Variants in ANKRD50 observed in about 807,000 individuals in gnomAD.
ANKRD50 encodes ankyrin repeat domain 50, also known as ankyrin repeat domain-containing protein 50.
ANKRD50 carries 40 observed loss-of-function variants against 112.0 expected under a neutral mutation model. The ratio of observed to expected loss-of-function variants is 0.36; its 90% CI spans 0.28 to 0.46. The LOEUF is 0.46. Ranked by LOEUF, ANKRD50 falls within the 20% of genes least tolerant of loss-of-function variation. The probability of loss-of-function intolerance (pLI) is 1.00; values close to 1 mark genes in which losing one functional copy is unlikely to be tolerated. For synonymous variants in ANKRD50, 613 were observed against 619.1 expected, an observed-to-expected ratio of 0.99 and a Z score of 0.15; for missense variants, 1,487 against 1,701.7, an observed-to-expected ratio of 0.87 and a Z score of 2.22.
At chr4:124,676,291 A>T (rs1292128843) in intron 3 of ANKRD50, among the ~76,000 whole-genome samples, 4 of 151,878 alleles carry the variant, frequency 2.6e-5, no homozygotes, top group South Asian at 2.1e-4. Flanking sequence ...TATCACTGAC[A>T]GTTATAATTT....
At position 124,665,530 on chromosome 4, in the gene ANKRD50, G is replaced by A. The variant is rs1730467287; in HGVS notation, c.*1988C>T. 1 of 152,382 alleles carries A rather than the reference G, an allele frequency of 6.6e-6. No homozygotes were observed. The highest frequency in any genetic ancestry group is 2.1e-4 in the South Asian group (1 of 4,830). 9.4% of individuals were successfully genotyped at this position (152,382 alleles called of 1,614,324 possible). A position where few individuals can be genotyped will look rare whatever the true frequency, so the allele number is the denominator to read the frequency against. On this transcript the variant is annotated 3_prime_UTR_variant, in exon 5 of 5. Coordinates refer to ENST00000504087, the MANE Select transcript of ANKRD50 (RefSeq NM_020337.3). ...AAAATTACATGTAATAGAAATTAGA[G>A]CTTCATCCTCTACAGTAATGTAAAT...
rs938445060 is a variant in ANKRD50, at chr4:124,672,431, T to A, written c.846A>T (p.Gln282His). 3 of 1,613,072 alleles carry A rather than the reference T, an allele frequency of 1.9e-6. No homozygotes were observed. In the Admixed American group the frequency reaches 5.0e-5, roughly 27 times the overall value. Reference protein sequence around the residue: ...HRLDQEEALRQHLTKETAEML... With the variant: ...HRLDQEEALRHHLTKETAEML... ...TCTCTGCAGTTTCTTTTGTGAGGTGTTGTCGCAAAGCTTCTTCTTGATCTA... is the reference window on the plus strand; with the variant it reads ...TCTCTGCAGTTTCTTTTGTGAGGTGATGTCGCAAAGCTTCTTCTTGATCTA... Residue 282 changes from glutamine to histidine, a missense_variant, in exon 4 of 5, where the codon CAA (glutamine) becomes CAT (histidine). Coordinates refer to ENST00000504087, the MANE Select transcript of ANKRD50 (RefSeq NM_020337.3).
intron 3 of ANKRD50, among the ~76,000 whole-genome samples, chr4:124,673,421 C>T (rs905868159): frequency 1.3e-5 from 2 of 152,020 alleles, no homozygotes; most frequent in Non-Finnish European, 2.9e-5. Flanking sequence ...TAAAGAAGAA[C>T]TGGAGCAAGT....
At chr4:124,700,570 G>GAA (rs1447239091) in intron 2 of ANKRD50, among the ~76,000 whole-genome samples, 3 of 152,108 alleles carry the variant, frequency 2.0e-5, no homozygotes, top group Non-Finnish European at 4.4e-5. Context: ...GATGACGAAT[G>GAA]AAACTGAGTT....
At position 124,664,440 on chromosome 4, in the gene ANKRD50, C is replaced by A. The variant is rs951663667; in HGVS notation, c.*3078G>T. ...ACAGTTGTTTATGCTATATGCATAT[C>A]ATGCATGTTCTACTGGTTCAAGGAC... On this transcript the variant is annotated 3_prime_UTR_variant, in exon 5 of 5. Transcript: ENST00000504087. 5.3e-5 allele frequency: 8 copies of A among 152,290 alleles called. No individual in the cohort carries two copies. Among genetic ancestry groups the A allele is most frequent in the Non-Finnish European group, 8.8e-5 (6 of 67,902 alleles). The allele number at this position is 152,290 out of a possible 1,614,324, so 9.4% of individuals were successfully genotyped here.
chr4:124,692,732 C>T (rs1367022241), intron 2 of ANKRD50, among the ~76,000 whole-genome samples: 1 of 152,150 alleles, frequency 6.6e-6, no homozygotes, highest in Non-Finnish European at 1.5e-5. Context: ...AGAAACAGGA[C>T]CTGACCAGAC....
At chr4:124,703,374 G>A (rs1725435089) in intron 2 of ANKRD50, among the ~76,000 whole-genome samples, 1 of 152,134 alleles carries the variant, frequency 6.6e-6, no homozygotes, top group East Asian at 1.9e-4. Context: ...TACGGAAGAG[G>A]AAGCAGCGCT....
chr4:124,691,408 C>T (rs371981136), intron 2 of ANKRD50, among the ~76,000 whole-genome samples: 17 of 138,530 alleles, frequency 1.2e-4, no homozygotes, highest in African/African-American at 3.5e-4. Context: ...AGGAGAATGG[C>T]GTGAACCCGG....
intron 2 of ANKRD50, among the ~76,000 whole-genome samples, chr4:124,692,229 G>C (rs779140396): frequency 6.6e-6 from 1 of 151,964 alleles, no homozygotes; most frequent in African/African-American, 2.4e-5. Context: ...TTTGGATAAC[G>C]TATACTCAAC....
intron 3 of ANKRD50, among the ~76,000 whole-genome samples, chr4:124,672,949 T>C (rs1031911808): frequency 4.6e-5 from 7 of 152,090 alleles, no homozygotes; most frequent in African/African-American, 1.2e-4. Flanking sequence ...ATATAAATAA[T>C]TTATATATTT....
intron 2 of ANKRD50, among the ~76,000 whole-genome samples, chr4:124,694,300 G>A (rs932936332): frequency 5.3e-5 from 8 of 152,134 alleles, no homozygotes; most frequent in African/African-American, 1.4e-4. Flanking sequence ...GTGATTTCAC[G>A]CTTTTATGAA....
intron 2 of ANKRD50, among the ~76,000 whole-genome samples, chr4:124,697,749 G>A (rs77627688): frequency 0.013 from 1,961 of 145,932 alleles, 19 homozygotes; most frequent in South Asian, 0.032. Flanking sequence ...AGACTAATAC[G>A]GGTGGTGAGA....
chr4:124,702,047 A>G (rs549712158), intron 2 of ANKRD50, among the ~76,000 whole-genome samples: 2 of 152,328 alleles, frequency 1.3e-5, no homozygotes, highest in South Asian at 4.1e-4. Flanking sequence ...TCACTTGTCC[A>G]TATTCCCTAG....
chr4:124,664,601 G>A lies in ANKRD50; in HGVS notation c.*2917C>T, dbSNP rs1361925621. 1 of 152,194 alleles carries A rather than the reference G, an allele frequency of 6.6e-6. No individual in the cohort carries two copies. The highest frequency in any genetic ancestry group is 1.5e-5 in the Non-Finnish European group (1 of 67,862). The allele number at this position is 152,194 out of a possible 1,614,324, so 9.4% of individuals were successfully genotyped here. ...ATGTGAAATTCAATGTACATTTTTG[G>A]CTATTTACATACCTCAAACCAAGGG... On this transcript the variant is annotated 3_prime_UTR_variant, in exon 5 of 5. Coordinates refer to ENST00000504087, the MANE Select transcript of ANKRD50 (RefSeq NM_020337.3).
In ANKRD50 at chr4:124,669,327, G is replaced by A. The variant is rs1560816734; in HGVS notation, c.3950C>T (p.Ala1317Val). The A allele has an allele frequency of 2.5e-6, 4 of 1,613,772 alleles. No homozygotes were observed. The highest frequency in any genetic ancestry group is 1.1e-5 in the South Asian group (1 of 91,034). Residue 1317 changes from alanine (A) to valine (V), a missense_variant, in exon 4 of 5, where the codon GCA becomes GTA. Physicochemically the swap from Ala to Val is moderately conservative, Grantham distance 64 (BLOSUM62 0). Coordinates refer to ENST00000504087, the MANE Select transcript of ANKRD50 (RefSeq NM_020337.3). ...RGPIAKSGTA[A>V]PPKQMPAESQ... ...TTCTGCTGGCATTTGTTTAGGTGGT[G>A]CAGCAGTCCCGGATTTGGCTATAGG...
chr4:124,693,502 G>A (rs1400118888), intron 2 of ANKRD50, among the ~76,000 whole-genome samples: 2 of 152,024 alleles, frequency 1.3e-5, no homozygotes, highest in Non-Finnish European at 2.9e-5. Flanking sequence ...AATTACCTGC[G>A]ATGTATCAGA....
At chr4:124,703,173 G>A (rs1390983264) in intron 2 of ANKRD50, among the ~76,000 whole-genome samples, 1 of 151,984 alleles carries the variant, frequency 6.6e-6, no homozygotes, top group Non-Finnish European at 1.5e-5. Flanking sequence ...GAGTCAGTGC[G>A]AGATTCTGAA....
chr4:124,708,435 C>T (rs1331611932), intron 2 of ANKRD50, among the ~76,000 whole-genome samples: 3 of 152,078 alleles, frequency 2.0e-5, no homozygotes, highest in Non-Finnish European at 4.4e-5. Context: ...ATTAAAGAGT[C>T]TACAAGAATA....
chr4:124,688,154 G>A (rs1725048139), intron 2 of ANKRD50, among the ~76,000 whole-genome samples: 1 of 152,098 alleles, frequency 6.6e-6, no homozygotes, highest in South Asian at 2.1e-4. Context: ...ATACAACAGA[G>A]TATCACTCAG....
Sources: allele counts gnomAD v4.1 joint callset (sites outside exome capture counted in the v4.1 genomes callset), GRCh38; gene constraint gnomAD v4.1.1; transcripts MANE v1.5; gene names NCBI Gene and HGNC (gene_info 2026-07-23, HGNC 2026-07-21).